INPP5A: variants seen among roughly 807,000 people sequenced by gnomAD.
INPP5A encodes inositol polyphosphate-5-phosphatase A.
INPP5A carries 14 observed loss-of-function variants against 65.2 expected under a neutral mutation model. The observed-to-expected ratio is 0.21, with a 90% CI of 0.14 to 0.34. INPP5A has a LOEUF of 0.34. INPP5A is among the 10% of genes least tolerant of loss of function. The pLI, the probability that INPP5A is intolerant of heterozygous loss-of-function variation, is 1.00. For missense variants in INPP5A, 431 were observed against 545.6 expected, an observed-to-expected ratio of 0.79 and a Z score of 2.09; for synonymous variants, 207 against 208.3, an observed-to-expected ratio of 0.99 and a Z score of 0.05.
At chr10:132,619,153 A>G (rs2072080503) in intron 2 of INPP5A, among the ~76,000 whole-genome samples, 1 of 152,194 alleles carries the variant, frequency 6.6e-6, no homozygotes, top group Non-Finnish European at 1.5e-5. Flanking sequence ...CTTTCCACCT[A>G]TGAACCTGCA....
intron 1 of INPP5A, among the ~76,000 whole-genome samples, chr10:132,599,176 A>T: frequency 6.6e-6 from 1 of 152,324 alleles, no homozygotes; most frequent in East Asian, 1.9e-4. Flanking sequence ...AAAAGTCCAC[A>T]GTCCAGTCTT....
chr10:132,707,453 C>G lies in INPP5A; in HGVS notation c.475-860C>G, dbSNP rs1845554438. ...AAGAGGCCTAGGCTGTGAAGCTACC[C>G]TGTTCTGCATGGCTGTTTAAATTAA... On this transcript the variant is annotated intron_variant, in intron 6 of 15. Transcript: ENST00000368594. The surrounding 1 kb of genome is among the most constrained non-coding windows in gnomAD (Gnocchi z 5.5). Among the ~76,000 whole-genome samples the G allele has an allele frequency of 6.6e-6, 1 of 152,246 alleles. No homozygotes were observed. Among genetic ancestry groups the G allele is most frequent in the South Asian group, 2.1e-4 (1 of 4,830 alleles).
chr10:132,767,128 T>C (rs1457650691), intron 12 of INPP5A, among the ~76,000 whole-genome samples: 5 of 73,370 alleles, frequency 6.8e-5, no homozygotes, highest in Non-Finnish European at 1.1e-4. Flanking sequence ...GGGTGGGAGC[T>C]GGAGGATGCG....
chr10:132,678,931 G>A lies in INPP5A; in HGVS notation c.307-11461G>A, dbSNP rs538265619. Among the ~76,000 whole-genome samples the A allele has an allele frequency of 3.3e-5, 5 of 152,322 alleles. No homozygotes were observed. The highest frequency in any genetic ancestry group is 1.3e-4 in the Admixed American group (2 of 15,304). On this transcript the variant is annotated intron_variant, in intron 4 of 15. Transcript: ENST00000368594. The surrounding 1 kb of genome is among the most constrained non-coding windows in gnomAD (Gnocchi z 4.1). ...AGAGGTACCCTCCTGACAGAAGGGC[G>A]CAGCCTCCTCAGGCCCAGATGGCCA...
intron 2 of INPP5A, among the ~76,000 whole-genome samples, chr10:132,615,426 G>A (rs919796756): frequency 6.6e-5 from 10 of 152,236 alleles, no homozygotes; most frequent in Admixed American, 3.3e-4. Context: ...CTGGCCCACC[G>A]AGTTTCCTTC....
intron 1 of INPP5A, among the ~76,000 whole-genome samples, chr10:132,591,933 G>A (rs1311285912): frequency 6.6e-6 from 1 of 152,242 alleles, no homozygotes; most frequent in East Asian, 1.9e-4. Context: ...GGAGGAAAGA[G>A]CCGGCTCTGG....
At chr10:132,653,988 A>T (rs1199776922) in intron 4 of INPP5A, among the ~76,000 whole-genome samples, 1 of 152,206 alleles carries the variant, frequency 6.6e-6, no homozygotes, top group African/African-American at 2.4e-5. Context: ...CACGCTTCCC[A>T]ATTACGTCTC....
At position 132,651,951 on chromosome 10, in the gene INPP5A, G is replaced by GC. The variant is rs559198872; in HGVS notation, c.306+1451dup. On this transcript the variant is annotated intron_variant, in intron 4 of 15. Transcript: ENST00000368594. The surrounding 1 kb of genome is among the most constrained non-coding windows in gnomAD (Gnocchi z 5.0). ...CTGTGGGGCACACGGGGACCACGGGGCCCCCACTCACACCAGAGCCAAGGC... is the reference window on the plus strand; with the variant it reads ...CTGTGGGGCACACGGGGACCACGGGGCCCCCCACTCACACCAGAGCCAAGGC... Among the ~76,000 whole-genome samples the GC allele has an allele frequency of 6.6e-4, 100 of 152,270 alleles. No homozygotes were observed. Among genetic ancestry groups the GC allele is most frequent in the African/African-American group, 2.3e-3 (94 of 41,548 alleles).
At chr10:132,760,117 T>C (rs1218150620) in intron 11 of INPP5A, among the ~76,000 whole-genome samples, 3 of 152,158 alleles carry the variant, frequency 2.0e-5, no homozygotes, top group Admixed American at 6.5e-5. Flanking sequence ...GGCCAAGAGC[T>C]CCAGCTACTC....
intron 4 of INPP5A, among the ~76,000 whole-genome samples, chr10:132,673,432 T>C (rs904335643): frequency 1.3e-5 from 2 of 152,166 alleles, no homozygotes; most frequent in Admixed American, 1.3e-4. Context: ...GGACGCTGAT[T>C]CAGAGCATCC....
intron 4 of INPP5A, among the ~76,000 whole-genome samples, chr10:132,661,722 G>A (rs939031491): frequency 2.0e-5 from 3 of 152,054 alleles, no homozygotes. Flanking sequence ...GAATTAGAAT[G>A]GGCCAAAACA....
intron 8 of INPP5A, among the ~76,000 whole-genome samples, chr10:132,718,868 C>T (rs1376638345): frequency 7.8e-6 from 1 of 127,966 alleles, no homozygotes. Context: ...CGGCTGTCTT[C>T]AGGGTTCTGT....
rs1482134767 is a variant in INPP5A at position 132,628,374 on chromosome 10, A to C, written c.118-17494A>C. Among the ~76,000 whole-genome samples the C allele has an allele frequency of 5.1e-5, 7 of 137,430 alleles. No homozygotes were observed. In the Admixed American group the frequency reaches 5.2e-4, roughly 10 times the overall value. The allele number at this position is 137,430 out of a possible 152,430, so 90.2% of individuals were successfully genotyped here. On this transcript the variant is annotated intron_variant, in intron 2 of 15. Coordinates refer to ENST00000368594, the MANE Select transcript of INPP5A (RefSeq NM_005539.5). ...GAGTGAATTCCACCGGGCCGGCAGC[A>C]CCATTCAGGAAGCACTAACTGCTGT...
At chr10:132,662,547 A>G (rs142384396) in intron 4 of INPP5A, among the ~76,000 whole-genome samples, 174 of 152,328 alleles carry the variant, frequency 1.1e-3, no homozygotes, top group African/African-American at 4.0e-3. Context: ...AAATGCAAAC[A>G]AGTCTGTAAT....
intron 6 of INPP5A, among the ~76,000 whole-genome samples, chr10:132,699,861 G>A (rs560547333): frequency 1.1e-3 from 169 of 152,344 alleles, no homozygotes; most frequent in African/African-American, 3.8e-3. Context: ...GACCCAGCAA[G>A]CGGGGAGCTG....
At chr10:132,660,071 G>A (rs911420345) in intron 4 of INPP5A, among the ~76,000 whole-genome samples, 5 of 152,228 alleles carry the variant, frequency 3.3e-5, no homozygotes, top group South Asian at 2.1e-4. Flanking sequence ...ACGTTCTGAC[G>A]TCTGCCAATG....
intron 1 of INPP5A, among the ~76,000 whole-genome samples, chr10:132,571,697 C>G (rs1590837885): frequency 6.6e-6 from 1 of 152,252 alleles, no homozygotes. Context: ...CCCCGCAGCC[C>G]TGACGTGCGT....
At position 132,659,037 on chromosome 10, in the gene INPP5A, A is replaced by G. The variant is rs2072699914; in HGVS notation, c.306+8532A>G. Among the ~76,000 whole-genome samples, 1 of 152,196 alleles carries G rather than the reference A, an allele frequency of 6.6e-6. No individual in the cohort carries two copies. Among genetic ancestry groups the G allele is most frequent in the African/African-American group, 2.4e-5 (1 of 41,448 alleles). On this transcript the variant is annotated intron_variant, in intron 4 of 15. Transcript: ENST00000368594. The surrounding 1 kb of genome is among the most constrained non-coding windows in gnomAD (Gnocchi z 5.5). ...CCGTCCACAGTGGAAGCTGCCAGCC[A>G]CCAAGGCTACCGACCTGGGCCCTGG...
At chr10:132,591,033 G>A (rs752858821) in intron 1 of INPP5A, among the ~76,000 whole-genome samples, 4 of 152,240 alleles carry the variant, frequency 2.6e-5, no homozygotes, top group African/African-American at 7.2e-5. Flanking sequence ...CCAGCTTGGC[G>A]GGAGGAGGCT....
Sources: allele counts gnomAD v4.1 joint callset (sites outside exome capture counted in the v4.1 genomes callset), GRCh38; gene constraint gnomAD v4.1.1; non-coding constraint Gnocchi (gnomAD v3.1); transcripts MANE v1.5; gene names NCBI Gene and HGNC (gene_info 2026-07-23, HGNC 2026-07-21).